UNC5D: variants seen among roughly 807,000 people sequenced by gnomAD.
The protein encoded by UNC5D is netrin receptor UNC5D.
In UNC5D, 39 loss-of-function variants were observed where a neutral mutation model predicts 105.4. The ratio of observed to expected loss-of-function variants is 0.37; its 90% CI spans 0.29 to 0.48. The LOEUF (loss-of-function observed/expected upper bound fraction) is 0.48, where lower values mean the gene tolerates loss of function less well. Ranked by LOEUF, UNC5D falls within the 20% of genes least tolerant of loss-of-function variation. The pLI is 0.98. For missense variants in UNC5D, 991 were observed against 1,202.4 expected (o/e 0.82, Z 2.60); for synonymous variants, 452 against 450.4 (o/e 1.00, Z -0.04).
chr8:35,566,027 C>T (rs1817312656), intron 2 of UNC5D, among the ~76,000 whole-genome samples: 1 of 152,162 alleles, frequency 6.6e-6, no homozygotes, highest in South Asian at 2.1e-4. Flanking sequence ...ACATCATCAT[C>T]ATCTGTAAGG....
At chr8:35,578,316 G>A (rs1282379070) in intron 3 of UNC5D, among the ~76,000 whole-genome samples, 5 of 150,884 alleles carry the variant, frequency 3.3e-5, no homozygotes, top group Non-Finnish European at 7.4e-5. Flanking sequence ...TCTTCCTATG[G>A]TTAAAAATGT....
chr8:35,702,569 G>C (rs1472735469), intron 7 of UNC5D, among the ~76,000 whole-genome samples: 1 of 152,054 alleles, frequency 6.6e-6, no homozygotes. Context: ...GTTGATCAAG[G>C]ATGTTCCATG....
chr8:35,294,999 G>A (rs974909987), intron 1 of UNC5D, among the ~76,000 whole-genome samples: 1 of 152,116 alleles, frequency 6.6e-6, no homozygotes, highest in African/African-American at 2.4e-5. Context: ...GAGATGAACT[G>A]CTCACACAAA....
At chr8:35,327,670 C>G (rs1434573551) in intron 1 of UNC5D, among the ~76,000 whole-genome samples, 1 of 152,186 alleles carries the variant, frequency 6.6e-6, no homozygotes, top group African/African-American at 2.4e-5. Context: ...AACTGCTTAA[C>G]TGACTGCAAC....
intron 3 of UNC5D, among the ~76,000 whole-genome samples, chr8:35,581,935 A>G (rs180965699): frequency 5.5e-4 from 83 of 152,164 alleles, no homozygotes; most frequent in African/African-American, 1.9e-3. Flanking sequence ...TCTGCCTCCA[A>G]ACTAGATCCT....
At chr8:35,727,568 T>G (rs1047469058) in intron 10 of UNC5D, 4 of 152,234 alleles carry the variant, frequency 2.6e-5, no homozygotes, top group Non-Finnish European at 4.4e-5. Flanking sequence ...TTCTAGTTGA[T>G]GAATGTTGTC....
intron 1 of UNC5D, among the ~76,000 whole-genome samples, chr8:35,483,278 CTCTT>C (rs1165430776): frequency 4.6e-5 from 7 of 152,312 alleles, no homozygotes; most frequent in South Asian, 2.1e-4. Context: ...TTCTGAAAAA[CTCTT>C]CCTTCCTGGT....
At chr8:35,414,393 T>C (rs551298076) in intron 1 of UNC5D, among the ~76,000 whole-genome samples, 40 of 152,208 alleles carry the variant, frequency 2.6e-4, no homozygotes, top group Non-Finnish European at 5.1e-4. Context: ...CCTCAGACTG[T>C]AGCTTCCTTC....
At chr8:35,618,669 A>G (rs549971061) in intron 4 of UNC5D, among the ~76,000 whole-genome samples, 12 of 152,092 alleles carry the variant, frequency 7.9e-5, no homozygotes, top group Non-Finnish European at 1.6e-4. Flanking sequence ...CTTTCAGCTG[A>G]GTTAGGTACT....
At position 35,683,586 on chromosome 8, in the gene UNC5D, C is replaced by A. The variant is rs1452726121; in HGVS notation, c.610C>A (p.Gln204Lys). Residue 204 changes from glutamine (Q) to lysine (K), a missense_variant, in exon 5 of 17, where the codon CAA becomes AAA. Gln to Lys is a moderately conservative substitution (Grantham distance 53). Around this residue, in one of 3 missense-constraint regions of UNC5D, gnomAD observed 944 missense variants for 1,131.6 expected, o/e 0.83. Coordinates refer to ENST00000404895, the MANE Select transcript of UNC5D (RefSeq NM_080872.4). ...LKNEEPIDSE[Q>K]DENIDTRADH... ...AAATGAAGAGCCCATTGACTCTGAA[C>A]AAGACGAGAACATTGACACCAGGGC... 2 of 1,577,840 alleles carry A rather than the reference C, an allele frequency of 1.3e-6. No individual in the cohort carries two copies. The highest frequency in any genetic ancestry group is 1.7e-6 in the Non-Finnish European group (2 of 1,167,434).
chr8:35,535,968 T>G (rs1231306461), intron 1 of UNC5D, among the ~76,000 whole-genome samples: 1 of 152,222 alleles, frequency 6.6e-6, no homozygotes, highest in East Asian at 1.9e-4. Context: ...GTTAAATATC[T>G]TGCCTAAGAT....
At chr8:35,442,566 A>T (rs1403067026) in intron 1 of UNC5D, among the ~76,000 whole-genome samples, 1 of 151,888 alleles carries the variant, frequency 6.6e-6, no homozygotes, top group African/African-American at 2.4e-5. Context: ...CTCAAGTCCC[A>T]CCTCAAATGT....
intron 1 of UNC5D, among the ~76,000 whole-genome samples, chr8:35,264,729 CAA>C (rs6150548): frequency 2.7e-4 from 38 of 142,628 alleles, no homozygotes; most frequent in African/African-American, 9.7e-4. Flanking sequence ...GACTCTGTCT[CAA>C]AAAAAAAAAA....
chr8:35,553,898 T>G (rs1816344154), intron 2 of UNC5D, among the ~76,000 whole-genome samples: 2 of 152,182 alleles, frequency 1.3e-5, no homozygotes, highest in Non-Finnish European at 1.5e-5. Context: ...TGAATGACAC[T>G]GAGAAGCCAA....
intron 1 of UNC5D, among the ~76,000 whole-genome samples, chr8:35,494,116 T>A (rs1563471149): frequency 6.6e-6 from 1 of 152,144 alleles, no homozygotes; most frequent in Non-Finnish European, 1.5e-5. Context: ...ATTTTTATTG[T>A]TGCACTTCAG....
intron 4 of UNC5D, among the ~76,000 whole-genome samples, chr8:35,602,794 C>T (rs892844433): frequency 2.6e-5 from 4 of 152,160 alleles, no homozygotes; most frequent in African/African-American, 9.6e-5. Flanking sequence ...CATATGTATA[C>T]ATGTGACATG....
chr8:35,517,629 C>T (rs529441523), intron 1 of UNC5D, among the ~76,000 whole-genome samples: 1 of 152,274 alleles, frequency 6.6e-6, no homozygotes, highest in South Asian at 2.1e-4. Context: ...TTTCATAAAG[C>T]ATAATGCAAA....
At chr8:35,271,354 C>CACACGTGCACGTGTGTATGTGTATGT (rs1805296018) in intron 1 of UNC5D, among the ~76,000 whole-genome samples, 3 of 71,074 alleles carry the variant, frequency 4.2e-5, no homozygotes, top group Non-Finnish European at 8.2e-5. Context: ...TATGTATATG[C>CACACGTGCACGTGTGTATGTGTATGT]ATACACACGT....
intron 2 of UNC5D, among the ~76,000 whole-genome samples, chr8:35,563,034 C>T (rs747974376): frequency 1.5e-4 from 23 of 151,790 alleles, no homozygotes; most frequent in Non-Finnish European, 2.6e-4. Flanking sequence ...CCAGTTTTCC[C>T]GGAACCATTT....
Sources: gnomAD v4.1 joint callset for allele counts (sites outside exome capture counted in the v4.1 genomes callset) on GRCh38, gnomAD v4.1.1 for gene constraint, gnomAD v4.1.1 regional missense constraint, MANE v1.5 for transcripts, NCBI Gene and HGNC (gene_info 2026-07-23, HGNC 2026-07-21) for gene names.